The following TMEM131 variants were observed in gnomAD, a reference collection of about 807,000 sequenced individuals.
TMEM131 encodes the protein transmembrane protein 131.
In TMEM131, 66 loss-of-function variants were observed where a neutral mutation model predicts 211.6. The ratio of observed to expected loss-of-function variants is 0.31; its 90% CI spans 0.26 to 0.38. The LOEUF is 0.38. Among genes scored for constraint, TMEM131 ranks in the 10% least tolerant of loss-of-function variants. The pLI, the probability that TMEM131 is intolerant of heterozygous loss-of-function variation, is 1.00. For synonymous variants in TMEM131, 844 were observed against 841.3 expected (o/e 1.00, Z -0.06); for missense variants, 2,036 against 2,299.3 (o/e 0.89, Z 2.34).
At position 97,792,729 on chromosome 2, in the gene TMEM131, C is replaced by T. The variant is rs537525962; in HGVS notation, c.3801G>A (p.Ser1267=). The T allele has an allele frequency of 3.7e-6, 6 of 1,613,946 alleles. No homozygotes were observed. Among genetic ancestry groups the T allele is most frequent in the East Asian group, 4.5e-5 (2 of 44,888 alleles). The stretch of plus-strand genomic sequence containing the variant: ...CTGTATGACCTTGAGTCACTGTGTT[C>T]GAATCTAAGACAAGGGGGCTTGTTT... ...ANKTSPLVLD[S]NTVTQGHTAG... is the part of the protein sequence containing the mutation. Residue 1267 remains serine (S), a synonymous_variant, in exon 31 of 41, where the codon TCG becomes TCA. Transcript: ENST00000186436.
chr2:97,914,442 G>A (rs1020560221), intron 2 of TMEM131, among the ~76,000 whole-genome samples: 1 of 152,120 alleles, frequency 6.6e-6, no homozygotes, highest in Non-Finnish European at 1.5e-5. Flanking sequence ...AATTTTCTCT[G>A]CTGTGTAGGT....
intron 4 of TMEM131, 124 bp from the exon 5 acceptor site, chr2:97,859,551 A>C (rs866259074): frequency 1.0e-5 from 9 of 860,202 alleles, no homozygotes; most frequent in Middle Eastern, 3.7e-4. Flanking sequence ...ATGCTTTCTG[A>C]ATTTATATTT....
At chr2:97,825,419 C>G (rs949507968) in intron 11 of TMEM131, among the ~76,000 whole-genome samples, 1 of 152,216 alleles carries the variant, frequency 6.6e-6, no homozygotes, top group Non-Finnish European at 1.5e-5. Flanking sequence ...ACAGCCTATA[C>G]TGGCTTATCC....
At chr2:97,797,019 T>C in intron 26 of TMEM131, 33 bp from the exon 27 acceptor site, 1 of 1,595,310 alleles carries the variant, frequency 6.3e-7, no homozygotes, top group Non-Finnish European at 8.6e-7. Context: ...GATTTTTCTC[T>C]CATTAAATCT....
intron 33 of TMEM131, among the ~76,000 whole-genome samples, chr2:97,768,677 G>A (rs1467445695): frequency 2.6e-5 from 4 of 152,122 alleles, no homozygotes; most frequent in African/African-American, 9.7e-5. Flanking sequence ...TGTAACCTCT[G>A]CCTCCCAGGC....
intron 1 of TMEM131, among the ~76,000 whole-genome samples, chr2:97,946,339 G>T (rs571413437): frequency 6.6e-6 from 1 of 152,004 alleles, no homozygotes; most frequent in South Asian, 2.1e-4. Flanking sequence ...TGTTTGGGAA[G>T]ATTAACAAAA....
At chr2:97,945,849 A>C (rs768030021) in intron 1 of TMEM131, among the ~76,000 whole-genome samples, 37 of 152,136 alleles carry the variant, frequency 2.4e-4, no homozygotes, top group Non-Finnish European at 2.6e-4. Context: ...GAACACATTC[A>C]CTCTTTTAAA....
chr2:97,882,918 C>T (rs1187843176), intron 4 of TMEM131, among the ~76,000 whole-genome samples: 2 of 152,140 alleles, frequency 1.3e-5, no homozygotes, highest in East Asian at 1.9e-4. Flanking sequence ...TGGCTCAGTC[C>T]TTTTGGACTG....
chr2:97,994,606 T>C (rs947240773), intron 1 of TMEM131, among the ~76,000 whole-genome samples: 2 of 152,202 alleles, frequency 1.3e-5, no homozygotes, highest in Non-Finnish European at 2.9e-5. Flanking sequence ...TTTGTTTTTT[T>C]TTTAAACTAT....
Position 97,792,277 on chromosome 2 carries a change from G to A in TMEM131, c.4144+109C>T, listed in dbSNP as rs1052809273. 4 of 888,534 alleles carry A rather than the reference G, an allele frequency of 4.5e-6. No homozygotes were observed. The African/African-American group carries it at 6.8e-5, about 15-fold the overall frequency. The allele number at this position is 888,534 out of a possible 1,614,324, so 55.0% of individuals were successfully genotyped here. A position where few individuals can be genotyped will look rare whatever the true frequency, so the allele number is the denominator to read the frequency against. On this transcript the variant is annotated intron_variant, in intron 31 of 40. Coordinates refer to ENST00000186436, the MANE Select transcript of TMEM131 (RefSeq NM_015348.2). ...CACTGGAGATAAATCTGAGCCAGAG[G>A]AACCTACTGAATTAGTTGTTTACCA...
chr2:97,870,766 G>A (rs1486200048), intron 4 of TMEM131, among the ~76,000 whole-genome samples: 6 of 152,206 alleles, frequency 3.9e-5, no homozygotes, highest in African/African-American at 1.2e-4. Context: ...ATAGTTTTGG[G>A]CAGGAAGTCG....
intron 2 of TMEM131, 85 bp downstream of exon 2, chr2:97,927,340 TA>T: frequency 1.9e-6 from 2 of 1,028,742 alleles, no homozygotes; most frequent in Non-Finnish European, 2.8e-6. Flanking sequence ...ATATTTCAGA[TA>T]AACCAATTAC....
chr2:97,912,425 C>A (rs1049787318), intron 2 of TMEM131, among the ~76,000 whole-genome samples: 2 of 152,112 alleles, frequency 1.3e-5, no homozygotes, highest in African/African-American at 2.4e-5. Context: ...GAATTCACAT[C>A]CAGAGATAAG....
intron 24 of TMEM131, 134 bp from the exon 25 acceptor site, chr2:97,802,095 A>AAATC (rs1305202850): frequency 1.8e-6 from 1 of 558,730 alleles, no homozygotes; most frequent in Non-Finnish European, 3.0e-6. Flanking sequence ...GACCAGATTT[A>AAATC]TAGCCTTAAG....
In TMEM131 at chr2:97,805,369, C is replaced by T; in HGVS notation, c.2284+7G>A. 1.2e-6 allele frequency: 2 copies of T among 1,612,822 alleles called. No homozygotes were observed. Among genetic ancestry groups the T allele is most frequent in the South Asian group, 2.2e-5 (2 of 90,956 alleles). ...AAGACATGAGAGAGAACAGCAAGGT[C>T]ACTTACATTTGGATAGAAAAGGCAA... On this transcript the variant is annotated splice_region_variant and intron_variant, in intron 21 of 40. Coordinates refer to ENST00000186436, the MANE Select transcript of TMEM131 (RefSeq NM_015348.2).
At chr2:97,904,405 T>G (rs1471362562) in intron 3 of TMEM131, among the ~76,000 whole-genome samples, 1 of 152,010 alleles carries the variant, frequency 6.6e-6, no homozygotes, top group Non-Finnish European at 1.5e-5. Flanking sequence ...AAAGAGAGAT[T>G]AGGAGTGATA....
intron 1 of TMEM131, among the ~76,000 whole-genome samples, chr2:97,945,264 A>G (rs962509142): frequency 3.3e-5 from 5 of 152,172 alleles, no homozygotes; most frequent in African/African-American, 9.7e-5. Flanking sequence ...CAGAATAGGC[A>G]AAAAGAACCT....
chr2:97,873,937 T>C (rs1481722877), intron 4 of TMEM131, among the ~76,000 whole-genome samples: 1 of 152,068 alleles, frequency 6.6e-6, no homozygotes, highest in East Asian at 1.9e-4. Context: ...GCTAAAGAAG[T>C]ATGTTCTAAT....
At chr2:97,808,086 A>C (rs1401365763) in intron 19 of TMEM131, among the ~76,000 whole-genome samples, 1 of 152,150 alleles carries the variant, frequency 6.6e-6, no homozygotes, top group Admixed American at 6.5e-5. Context: ...CCCAAGTCTA[A>C]ACATGAAATT....
Sources: gnomAD v4.1 joint callset for allele counts (sites outside exome capture counted in the v4.1 genomes callset) on GRCh38, gnomAD v4.1.1 for gene constraint, MANE v1.5 for transcripts, NCBI Gene and HGNC (gene_info 2026-07-23, HGNC 2026-07-21) for gene names.